ENKUR: variants seen among roughly 807,000 people sequenced by gnomAD.
The protein encoded by ENKUR is enkurin, TRPC channel interacting protein, also known as enkurin.
In ENKUR, 19 loss-of-function variants were observed where a neutral mutation model predicts 27.6. The observed-to-expected ratio is 0.69, with a 90% confidence interval of 0.48 to 1.01. The LOEUF (loss-of-function observed/expected upper bound fraction) is 1.01, where lower values mean the gene tolerates loss of function less well. Among genes scored for constraint, ENKUR ranks in the 50% least tolerant of loss-of-function variants. ENKUR has a pLI of 0.00. For missense variants in ENKUR, 312 were observed against 310.5 expected, an observed-to-expected ratio of 1.00 and a Z score of -0.04; for synonymous variants, 117 against 96.9, an observed-to-expected ratio of 1.21 and a Z score of -1.22.
At chr10:25,025,565 C>T (rs12767659) in intron 2 of ENKUR, 2 of 1,083,154 alleles carry the variant, frequency 1.8e-6, no homozygotes, top group Non-Finnish European at 2.6e-6. Flanking sequence ...ATCTCTATAT[C>T]TGTTTGGAAT....
At chr10:24,990,135 G>A (rs1295351125) in intron 4 of ENKUR, among the ~76,000 whole-genome samples, 1 of 151,458 alleles carries the variant, frequency 6.6e-6, no homozygotes, top group East Asian at 1.9e-4. Context: ...CAAACTCAGG[G>A]GCATAAAAAT....
In ENKUR at chr10:25,055,199, C is replaced by T. The variant is rs550687244; in HGVS notation, c.37+5913G>A. ...GATGGCCCTTCCTTCTCACTCCTCT[C>T]TCCTTGCCCTCTTGTGACTTCATTT... On this transcript the variant is annotated intron_variant, in intron 2 of 5. Coordinates refer to the ENKUR transcript ENST00000615958. Among the ~76,000 whole-genome samples, 5 of 152,266 alleles carry T rather than the reference C, an allele frequency of 3.3e-5. No homozygotes were observed. The East Asian group carries it at 5.8e-4, about 18-fold the overall frequency.
chr10:24,998,352 T>A (rs12781953), intron 2 of ENKUR, among the ~76,000 whole-genome samples: 1 of 126,342 alleles, frequency 7.9e-6, no homozygotes. Context: ...CCTCCCTTCC[T>A]TCCTTCCTCT....
At chr10:25,005,697 T>C (rs1850297784) in intron 1 of ENKUR, among the ~76,000 whole-genome samples, 1 of 152,192 alleles carries the variant, frequency 6.6e-6, no homozygotes, top group Non-Finnish European at 1.5e-5. Flanking sequence ...CAGGCTCATG[T>C]CTATATCAAG....
At chr10:25,018,749 GTAAA>G (rs373941908), upstream of ENKUR, among the ~76,000 whole-genome samples, 34 of 147,942 alleles carry the variant, frequency 2.3e-4, no homozygotes, top group Admixed American at 1.1e-3. Flanking sequence ...CAATTGGAAG[GTAAA>G]TAAACCCTTT....
chr10:25,052,613 T>A (rs80298651), intron 2 of ENKUR, among the ~76,000 whole-genome samples: 5,513 of 151,796 alleles, frequency 0.036, 132 homozygotes, highest in Non-Finnish European at 0.057. Flanking sequence ...CAGATTTTTT[T>A]AAAAAAAATT....
At position 25,024,875 on chromosome 10, in the gene ENKUR, T is replaced by C. The variant is rs769011857; in HGVS notation, c.38-29006A>G. ...TTTATAAAAACAGGACATTATGATC[T>C]AAGGGAAAGAAAACTAGCACAAACC... On this transcript the variant is annotated intron_variant, in intron 2 of 5. Coordinates refer to the ENKUR transcript ENST00000615958. 50 of 1,613,924 alleles carry C rather than the reference T, an allele frequency of 3.1e-5. No homozygotes were observed. The highest frequency in any genetic ancestry group is 4.2e-5 in the Non-Finnish European group (50 of 1,180,034).
At chr10:25,046,820 G>A (rs73608231) in intron 2 of ENKUR, among the ~76,000 whole-genome samples, 2,215 of 152,246 alleles carry the variant, frequency 0.015, 61 homozygotes, top group African/African-American at 0.049. Context: ...CAGCCAAAGA[G>A]TTTATTTACT....
upstream of ENKUR, among the ~76,000 whole-genome samples, chr10:25,020,238 A>ATATATCTATATTTATATC (rs1554772120): frequency 1.3e-4 from 16 of 126,564 alleles, no homozygotes; most frequent in African/African-American, 3.9e-4. Flanking sequence ...TTTCTTTAAA[A>ATATATCTATATTTATATC]TATATCTATA....
intron 2 of ENKUR, among the ~76,000 whole-genome samples, chr10:25,029,493 G>T (rs1850909699): frequency 6.6e-6 from 1 of 151,950 alleles, no homozygotes; most frequent in Non-Finnish European, 1.5e-5. Context: ...GGCAAATATT[G>T]TTTCAATCCA....
At chr10:25,042,456 G>A (rs1020049014) in intron 2 of ENKUR, among the ~76,000 whole-genome samples, 17 of 151,734 alleles carry the variant, frequency 1.1e-4, no homozygotes, top group African/African-American at 2.7e-4. Flanking sequence ...CACCACACCC[G>A]GCTAAATTTT....
Position 25,049,032 on chromosome 10 carries a change from G to C in ENKUR, c.37+12080C>G, listed in dbSNP as rs144698033. Among the ~76,000 whole-genome samples the C allele has an allele frequency of 1.6e-4, 24 of 152,200 alleles. No homozygotes were observed. The East Asian group carries it at 4.4e-3, about 28-fold the overall frequency. On this transcript the variant is annotated intron_variant, in intron 2 of 5. Transcript: ENST00000615958. ...GATTAAGAAGGCTGGCTTTGAAGTC[G>C]TGATGCCTTTATTTTAACCACATCA...
At chr10:24,994,527 T>C (rs570751675) in intron 3 of ENKUR, among the ~76,000 whole-genome samples, 4 of 151,758 alleles carry the variant, frequency 2.6e-5, no homozygotes, top group East Asian at 2.0e-4. Flanking sequence ...AGAGATGGGG[T>C]GTCACCATGT....
At chr10:25,004,148 G>A (rs1316816599) in intron 1 of ENKUR, among the ~76,000 whole-genome samples, 3 of 152,172 alleles carry the variant, frequency 2.0e-5, no homozygotes, top group Non-Finnish European at 4.4e-5. Context: ...TGGTGTATAT[G>A]TATCACCTTT....
At chr10:25,017,023 C>T (rs542358328), upstream of ENKUR, among the ~76,000 whole-genome samples, 1 of 152,282 alleles carries the variant, frequency 6.6e-6, no homozygotes, top group Non-Finnish European at 1.5e-5. Flanking sequence ...CGCTCGCCCT[C>T]CCGCCCCTGC....
chr10:25,037,666 C>T (rs1426008605), intron 2 of ENKUR, among the ~76,000 whole-genome samples: 1 of 152,108 alleles, frequency 6.6e-6, no homozygotes, highest in Non-Finnish European at 1.5e-5. Context: ...CTGTTTTGCT[C>T]TTCTTTCCTT....
At chr10:25,053,188 T>C (rs1317426721) in intron 2 of ENKUR, among the ~76,000 whole-genome samples, 1 of 152,186 alleles carries the variant, frequency 6.6e-6, no homozygotes, top group African/African-American at 2.4e-5. Context: ...TATAATTGTA[T>C]ATATTTATGC....
upstream of ENKUR, among the ~76,000 whole-genome samples, chr10:25,019,644 C>T (rs1850678550): frequency 6.6e-6 from 1 of 152,146 alleles, no homozygotes; most frequent in Non-Finnish European, 1.5e-5. Context: ...AATACTACAC[C>T]ATTTTATATA....
At chr10:25,059,830 A>G (rs548661528) in intron 2 of ENKUR, among the ~76,000 whole-genome samples, 9 of 152,172 alleles carry the variant, frequency 5.9e-5, no homozygotes, top group African/African-American at 2.2e-4. Context: ...CTCTTAACAA[A>G]AAAAAAAAGA....
Sources: allele counts gnomAD v4.1 joint callset (sites outside exome capture counted in the v4.1 genomes callset), GRCh38; gene constraint gnomAD v4.1.1; transcripts MANE v1.5; gene names NCBI Gene and HGNC (gene_info 2026-07-23, HGNC 2026-07-21).